Variants in PRKN observed in about 807,000 individuals in gnomAD.
PRKN encodes the protein E3 ubiquitin-protein ligase parkin.
Under a neutral mutation model 59.5 loss-of-function variants are expected in PRKN, and 56 were observed. The ratio of observed to expected loss-of-function variants is 0.94; its 90% confidence interval spans 0.76 to 1.18. The LOEUF is 1.18. Among genes scored for constraint, PRKN ranks in the 50% most tolerant of loss-of-function variants. The probability of loss-of-function intolerance (pLI) is 0.00; values close to 1 mark genes in which losing one functional copy is unlikely to be tolerated. For missense variants in PRKN, 657 were observed against 596.4 expected, an observed-to-expected ratio of 1.10 and a Z score of -1.06; for synonymous variants, 250 against 222.1, an observed-to-expected ratio of 1.13 and a Z score of -1.12.
rs1484710693 is a variant in PRKN, at chr6:161,525,675, C to T, written c.1083+23179G>A. Among the ~76,000 whole-genome samples the T allele has an allele frequency of 1.3e-5, 2 of 151,974 alleles. No individual in the cohort carries two copies. Among genetic ancestry groups the T allele is most frequent in the African/African-American group, 4.8e-5 (2 of 41,358 alleles). On this transcript the variant is annotated intron_variant, in intron 9 of 11. Coordinates refer to ENST00000366898, the MANE Select transcript of PRKN (RefSeq NM_004562.3). The surrounding 1 kb of genome is among the most constrained non-coding windows in gnomAD (Gnocchi z 4.7). ...AGAGAACCTACCTGCACTTAGTATC[C>T]CTGTACTTGGGATCTTTGAAGGCTA...
chr6:162,199,646 G>A (rs918610374), intron 4 of PRKN, among the ~76,000 whole-genome samples: 4 of 152,168 alleles, frequency 2.6e-5, no homozygotes, highest in African/African-American at 4.8e-5. Flanking sequence ...CATGCTGCCC[G>A]GCAGGAGAGC....
intron 1 of PRKN, among the ~76,000 whole-genome samples, chr6:162,574,589 T>C (rs1050883552): frequency 6.6e-6 from 1 of 152,202 alleles, no homozygotes; most frequent in Non-Finnish European, 1.5e-5. Context: ...GACATTCCTG[T>C]AGTTTTATTT....
chr6:162,259,686 T>A (rs990586859), intron 3 of PRKN, among the ~76,000 whole-genome samples: 1 of 152,262 alleles, frequency 6.6e-6, no homozygotes, highest in Non-Finnish European at 1.5e-5. Context: ...TTTCTCTGTA[T>A]AATTTTAAAT....
At chr6:162,295,475 C>A (rs1015789194) in intron 2 of PRKN, among the ~76,000 whole-genome samples, 1 of 152,170 alleles carries the variant, frequency 6.6e-6, no homozygotes, top group Non-Finnish European at 1.5e-5. Flanking sequence ...CAGCATCCCT[C>A]GCCAGCTGAG....
chr6:161,372,185 C>T lies in PRKN; in HGVS notation c.1168-11980G>A, dbSNP rs967992482. 6.6e-6 allele frequency among the ~76,000 whole-genome samples: 1 copy of T among 152,122 alleles called. No individual in the cohort carries two copies. Among genetic ancestry groups the T allele is most frequent in the Non-Finnish European group, 1.5e-5 (1 of 68,026 alleles). ...CCATTTATTGGTTATTTTAAAAGTG[C>T]TTTGTGTTCAACTATTGTTACAAGT... On this transcript the variant is annotated intron_variant, in intron 10 of 11. Coordinates refer to ENST00000366898, the MANE Select transcript of PRKN (RefSeq NM_004562.3). This position sits in a 1 kb window ranked among gnomAD's most constrained non-coding sequence, Gnocchi z 4.2.
At chr6:161,705,801 T>C (rs970442565) in intron 7 of PRKN, among the ~76,000 whole-genome samples, 3 of 152,196 alleles carry the variant, frequency 2.0e-5, no homozygotes, top group African/African-American at 7.2e-5. Context: ...TTGTCCATTC[T>C]CATTCTCTGC....
At chr6:162,038,718 T>C (rs1783942408) in intron 5 of PRKN, among the ~76,000 whole-genome samples, 1 of 152,196 alleles carries the variant, frequency 6.6e-6, no homozygotes, top group Non-Finnish European at 1.5e-5. Context: ...TTGAAAAATA[T>C]GTACTTAGAA....
At chr6:162,104,698 T>C (rs891663090) in intron 4 of PRKN, among the ~76,000 whole-genome samples, 1 of 152,138 alleles carries the variant, frequency 6.6e-6, no homozygotes, top group Non-Finnish European at 1.5e-5. Context: ...GTAACACCAA[T>C]TGTTGCTGGT....
rs73592323 is a variant in PRKN at position 162,153,880 on chromosome 6, G to A, written c.534+47251C>T. On this transcript the variant is annotated intron_variant, in intron 4 of 11. Coordinates refer to ENST00000366898, the MANE Select transcript of PRKN (RefSeq NM_004562.3). ...GGGGTCTTTATAGGCACAGGATGGG[G>A]GTGAGGCGAGCCATAAGTAGTTTGG... Among the ~76,000 whole-genome samples, 1,011 of 151,650 alleles carry A rather than the reference G, an allele frequency of 6.7e-3. 10 individuals are homozygous for A. Among genetic ancestry groups the A allele is most frequent in the African/African-American group, 0.023 (950 of 41,524 alleles).
chr6:161,896,475 T>A (rs73604823), intron 6 of PRKN, among the ~76,000 whole-genome samples: 5,444 of 152,244 alleles, frequency 0.036, 322 homozygotes, highest in African/African-American at 0.12. Flanking sequence ...GCCTGACATG[T>A]GAGCCCCTCC....
intron 10 of PRKN, among the ~76,000 whole-genome samples, chr6:161,365,377 A>C (rs1785159672): frequency 6.6e-6 from 1 of 152,206 alleles, no homozygotes; most frequent in South Asian, 2.1e-4. Flanking sequence ...AGGTGTGTGC[A>C]CACCTAAAGC....
chr6:161,661,192 C>A (rs1289157196), intron 7 of PRKN, among the ~76,000 whole-genome samples: 1 of 152,196 alleles, frequency 6.6e-6, no homozygotes, highest in Non-Finnish European at 1.5e-5. Flanking sequence ...TAGAACTCTT[C>A]AATCCTTTCT....
intron 1 of PRKN, among the ~76,000 whole-genome samples, chr6:162,445,335 A>G (rs1304736273): frequency 6.6e-6 from 1 of 152,122 alleles, no homozygotes; most frequent in African/African-American, 2.4e-5. Context: ...ATTTATTTCA[A>G]TCTAACTCTA....
At chr6:162,364,979 C>CT (rs574680485) in intron 2 of PRKN, among the ~76,000 whole-genome samples, 2,842 of 126,726 alleles carry the variant, frequency 0.022, 99 homozygotes, top group Admixed American at 0.089. Flanking sequence ...CTCTCTCTCT[C>CT]TTTTTTTTTT....
chr6:162,180,682 T>G (rs991424965), intron 4 of PRKN, among the ~76,000 whole-genome samples: 20 of 152,328 alleles, frequency 1.3e-4, no homozygotes, highest in Middle Eastern at 3.4e-3. Context: ...CGGTTCCTTT[T>G]GTTCCAATCA....
At chr6:161,989,355 A>T (rs1781557095) in intron 5 of PRKN, among the ~76,000 whole-genome samples, 1 of 152,168 alleles carries the variant, frequency 6.6e-6, no homozygotes, top group South Asian at 2.1e-4. Context: ...GCCTGAGGAC[A>T]GGTCTGCCTT....
chr6:161,573,394 ATCTAGACACAT>A (rs980305804), intron 7 of PRKN, among the ~76,000 whole-genome samples: 2 of 152,044 alleles, frequency 1.3e-5, no homozygotes, highest in African/African-American at 4.8e-5. Context: ...CTCAGTTTAT[ATCTAGACACAT>A]TGAAGACATA....
intron 1 of PRKN, among the ~76,000 whole-genome samples, chr6:162,446,046 A>T (rs1186030335): frequency 6.6e-6 from 1 of 152,162 alleles, no homozygotes; most frequent in Non-Finnish European, 1.5e-5. Context: ...AAAAATACTA[A>T]TTACGGAGGA....
At chr6:162,312,926 T>C (rs2128118692) in intron 2 of PRKN, among the ~76,000 whole-genome samples, 1 of 152,238 alleles carries the variant, frequency 6.6e-6, no homozygotes, top group Middle Eastern at 3.4e-3. Flanking sequence ...AAAAGAAATG[T>C]ACACTAGATG....
Sources: gnomAD v4.1 joint callset for allele counts (sites outside exome capture counted in the v4.1 genomes callset) on GRCh38, gnomAD v4.1.1 for gene constraint, Gnocchi (gnomAD v3.1) non-coding constraint, MANE v1.5 for transcripts, NCBI Gene and HGNC (gene_info 2026-07-23, HGNC 2026-07-21) for gene names.